ACBD6: variants seen among roughly 807,000 people sequenced by gnomAD.
ACBD6 encodes the protein acyl-CoA-binding domain-containing protein 6.
ACBD6 carries 28 observed loss-of-function variants against 37.2 expected under a neutral mutation model. The ratio of observed to expected loss-of-function variants is 0.75; its 90% confidence interval spans 0.56 to 1.03. The LOEUF (loss-of-function observed/expected upper bound fraction) is 1.03. ACBD6 is among the 50% of genes least tolerant of loss of function. ACBD6 has a pLI of 0.00. For synonymous variants in ACBD6, 113 were observed against 126.8 expected, an observed-to-expected ratio of 0.89 and a Z score of 0.73; for missense variants, 340 against 337.4, an observed-to-expected ratio of 1.01 and a Z score of -0.06.
At position 180,476,620 on chromosome 1, in the gene ACBD6, G is replaced by A. The variant is rs190756209; in HGVS notation, c.384+15649C>T. Among the ~76,000 whole-genome samples, 5 of 152,328 alleles carry A rather than the reference G, an allele frequency of 3.3e-5. No individual in the cohort carries two copies. In the East Asian group the frequency reaches 9.7e-4, roughly 29 times the overall value. Reference sequence around the variant, plus strand: ...GCAGGCGGATCACCTGAGGTCGGGAGTTTGAGACCAGCCTGGTCAACATGG... The same window carrying A: ...GCAGGCGGATCACCTGAGGTCGGGAATTTGAGACCAGCCTGGTCAACATGG... On this transcript the variant is annotated intron_variant, in intron 3 of 7. Coordinates refer to ENST00000367595, the MANE Select transcript of ACBD6 (RefSeq NM_032360.4).
At chr1:180,341,131 A>G (rs139259289) in intron 6 of ACBD6, among the ~76,000 whole-genome samples, 48 of 152,240 alleles carry the variant, frequency 3.2e-4, no homozygotes, top group African/African-American at 1.1e-3. Flanking sequence ...TCTACTATAT[A>G]CCAGGGACAA....
chr1:180,501,247 G>C (rs1412063468), intron 1 of ACBD6, among the ~76,000 whole-genome samples: 1 of 152,156 alleles, frequency 6.6e-6, no homozygotes, highest in Non-Finnish European at 1.5e-5. Context: ...AAACAGAAAG[G>C]AAGACATACT....
chr1:180,420,941 T>G (rs942871527), intron 4 of ACBD6, among the ~76,000 whole-genome samples: 1 of 152,144 alleles, frequency 6.6e-6, no homozygotes, highest in Non-Finnish European at 1.5e-5. Flanking sequence ...GGCATTTTTT[T>G]CCTCCCCCAG....
chr1:180,490,170 T>C (rs1328564368), intron 3 of ACBD6, among the ~76,000 whole-genome samples: 1 of 152,234 alleles, frequency 6.6e-6, no homozygotes, highest in Non-Finnish European at 1.5e-5. Flanking sequence ...CATTCAAGTT[T>C]TGTTTCATTT....
At chr1:180,494,874 G>T (rs1651667822) in intron 2 of ACBD6, among the ~76,000 whole-genome samples, 2 of 152,110 alleles carry the variant, frequency 1.3e-5, no homozygotes, top group African/African-American at 4.8e-5. Context: ...AGTTAAAAAA[G>T]TTTGCAAAAG....
intron 6 of ACBD6, among the ~76,000 whole-genome samples, chr1:180,357,418 A>G (rs981700204): frequency 6.6e-6 from 1 of 152,212 alleles, no homozygotes; most frequent in African/African-American, 2.4e-5. Context: ...TTTTTAGAGC[A>G]CAAGCAAAAG....
chr1:180,373,878 T>C (rs528729809), intron 6 of ACBD6, among the ~76,000 whole-genome samples: 42 of 152,310 alleles, frequency 2.8e-4, no homozygotes, highest in Admixed American at 1.4e-3. Context: ...ATTGATATTT[T>C]TGATGTAGTA....
intron 3 of ACBD6, among the ~76,000 whole-genome samples, chr1:180,458,686 T>G (rs1650014635): frequency 6.6e-6 from 1 of 152,096 alleles, no homozygotes; most frequent in Non-Finnish European, 1.5e-5. Flanking sequence ...AAATCCACCA[T>G]AGTTGAGGGG....
chr1:180,495,251 A>G (rs982973714), intron 2 of ACBD6, among the ~76,000 whole-genome samples: 2 of 152,240 alleles, frequency 1.3e-5, no homozygotes, highest in Non-Finnish European at 2.9e-5. Context: ...TGAACCACTT[A>G]TATTCCAACA....
intron 6 of ACBD6, among the ~76,000 whole-genome samples, chr1:180,375,464 G>A (rs956939488): frequency 6.6e-6 from 1 of 152,032 alleles, no homozygotes; most frequent in South Asian, 2.1e-4. Flanking sequence ...TAGCTGGGAC[G>A]AGAGGTGCAC....
At position 180,332,251 on chromosome 1, in the gene ACBD6, A is replaced by G. The variant is rs139111122; in HGVS notation, c.664-17529T>C. On this transcript the variant is annotated intron_variant, in intron 6 of 7. Coordinates refer to ENST00000367595, the MANE Select transcript of ACBD6 (RefSeq NM_032360.4). Reference sequence around the variant, plus strand: ...ATACCCCACATCAGTACAAACCTCCACCATTTCCTACCTAGACAAAGGCAG... The same window carrying G: ...ATACCCCACATCAGTACAAACCTCCGCCATTTCCTACCTAGACAAAGGCAG... Among the ~76,000 whole-genome samples, 967 of 152,124 alleles carry G rather than the reference A, an allele frequency of 6.4e-3. 3 individuals carry two copies. The highest frequency in any genetic ancestry group is 0.011 in the Non-Finnish European group (766 of 67,978).
chr1:180,492,396 C>A, intron 2 of ACBD6, 31 bp from the exon 3 acceptor site: 2 of 1,536,530 alleles, frequency 1.3e-6, no homozygotes, highest in South Asian at 2.2e-5. Flanking sequence ...AATGGCCTGT[C>A]ATTATGCAAA....
chr1:180,278,392 T>C (rs1426717685), intron 9 of ACBD6: 1 of 152,150 alleles, frequency 6.6e-6, no homozygotes, highest in African/African-American at 2.4e-5. Flanking sequence ...TTGCTCCAAC[T>C]GTTCTAAACA....
chr1:180,410,850 T>C (rs1647825384), intron 5 of ACBD6, among the ~76,000 whole-genome samples: 2 of 152,214 alleles, frequency 1.3e-5, no homozygotes, highest in African/African-American at 4.8e-5. Flanking sequence ...AAGAAATACA[T>C]TCTATAAGGC....
At chr1:180,301,427 A>G (rs1196091814) in intron 7 of ACBD6, among the ~76,000 whole-genome samples, 2 of 152,188 alleles carry the variant, frequency 1.3e-5, no homozygotes, top group African/African-American at 4.8e-5. Context: ...TGTCTTCTTA[A>G]CAATAAGCCA....
At chr1:180,439,856 A>T (rs1057370106) in intron 3 of ACBD6, among the ~76,000 whole-genome samples, 2 of 152,204 alleles carry the variant, frequency 1.3e-5, no homozygotes, top group African/African-American at 4.8e-5. Context: ...AGGAGTGATA[A>T]CTTGCAGGTT....
chr1:180,359,789 G>GTT (rs200715612), intron 6 of ACBD6, among the ~76,000 whole-genome samples: 1 of 151,562 alleles, frequency 6.6e-6, no homozygotes, highest in African/African-American at 2.4e-5. Context: ...AAATAATGGT[G>GTT]TTTTTTTTGT....
intron 3 of ACBD6, among the ~76,000 whole-genome samples, chr1:180,446,636 T>G (rs1375812756): frequency 6.6e-6 from 1 of 152,170 alleles, no homozygotes; most frequent in East Asian, 1.9e-4. Flanking sequence ...CAGTAATATT[T>G]ATAAAATTTT....
At chr1:180,271,562 C>T (rs760996220) in exon 14 of ACBD6, 31 of 1,613,292 alleles carry the variant, frequency 1.9e-5, no homozygotes, top group African/African-American at 6.7e-5. Flanking sequence ...CTGTGCCCTC[C>T]GGGGATCCCA....
Sources: gnomAD v4.1 joint callset for allele counts (sites outside exome capture counted in the v4.1 genomes callset) on GRCh38, gnomAD v4.1.1 for gene constraint, MANE v1.5 for transcripts, NCBI Gene and HGNC (gene_info 2026-07-23, HGNC 2026-07-21) for gene names.